The following IQGAP3 variants were observed in gnomAD, a reference collection of about 807,000 sequenced individuals.
The protein encoded by IQGAP3 is IQ motif containing GTPase activating protein 3, also known as ras GTPase-activating-like protein IQGAP3.
Under a neutral mutation model 208.2 loss-of-function variants are expected in IQGAP3, and 165 were observed. That is an observed-to-expected ratio of 0.79 (90% CI 0.70 to 0.90). The LOEUF is 0.90. IQGAP3 is among the 40% of genes least tolerant of loss of function. The pLI, the probability that IQGAP3 is intolerant of heterozygous loss-of-function variation, is 0.00. For missense variants in IQGAP3, 1,811 were observed against 2,043.1 expected (o/e 0.89, Z 2.19); for synonymous variants, 703 against 803.6 (o/e 0.87, Z 2.12).
intron 34 of IQGAP3, among the ~76,000 whole-genome samples, 187 bp from the exon 35 acceptor site, chr1:156,529,269 G>A (rs1393685699): frequency 6.6e-6 from 1 of 152,246 alleles, no homozygotes; most frequent in African/African-American, 2.4e-5. Context: ...CAGGGCCTCT[G>A]CCCGTTGAGG....
At chr1:156,535,081 G>T (rs888188295) in intron 28 of IQGAP3, 82 bp downstream of exon 28, 4 of 1,029,640 alleles carry the variant, frequency 3.9e-6, no homozygotes, top group Admixed American at 1.9e-5. Context: ...GATTTTTTGT[G>T]TTTTTGTCTC....
At chr1:156,569,271 C>T in intron 2 of IQGAP3, 105 bp downstream of exon 2, 1 of 693,808 alleles carries the variant, frequency 1.4e-6, no homozygotes, top group East Asian at 2.7e-5. Context: ...CCCTTTCCCA[C>T]AGGATGGACT....
At chr1:156,551,896 G>A (rs1258340570) in intron 14 of IQGAP3, 28 bp from the exon 15 acceptor site, 54 of 1,597,066 alleles carry the variant, frequency 3.4e-5, no homozygotes, top group Non-Finnish European at 4.5e-5. Flanking sequence ...AGGTGGGCAG[G>A]GGGCCCCTAG....
In IQGAP3 at chr1:156,554,401, G is replaced by T. The variant is rs1457247431; in HGVS notation, c.1291-9C>A. On this transcript the variant is annotated splice_polypyrimidine_tract_variant and intron_variant, in intron 12 of 37. Transcript: ENST00000361170. ...TCCTCCTGGCCAAGCTCCTACAATGGGTGGGAGGGCCAATTCCCAAGTGGG... is the reference window on the plus strand; with the variant it reads ...TCCTCCTGGCCAAGCTCCTACAATGTGTGGGAGGGCCAATTCCCAAGTGGG... 6.3e-7 allele frequency: 1 copy of T among 1,590,214 alleles called. No individual in the cohort carries two copies. The highest frequency in any genetic ancestry group is 1.1e-5 in the South Asian group (1 of 87,974).
chr1:156,535,760 G>A (rs922350157), intron 27 of IQGAP3, among the ~76,000 whole-genome samples: 1 of 152,156 alleles, frequency 6.6e-6, no homozygotes, highest in Middle Eastern at 3.2e-3. Flanking sequence ...TCAGTGAGCC[G>A]GGAGGAGAAG....
rs778342130 is a variant in IQGAP3, at chr1:156,552,070, G to A, written c.1474C>T (p.Arg492Ter). Residue 492 changes from arginine (R) to a stop codon, truncating the protein, a stop_gained, in exon 14 of 38, where the codon CGA becomes TGA. Transcript: ENST00000361170. LOFTEE classifies it high-confidence loss of function. ...QRYFDALLKL[R>*]QERGMGEDFL... The stretch of plus-strand genomic sequence containing the variant: ...TCCTCACCCATCCCACGCTCCTGTC[G>A]CAATTTCAGCAGGGCATCGAAGTAA... 1.1e-4 allele frequency: 173 copies of A among 1,614,104 alleles called. No homozygotes were observed. The highest frequency in any genetic ancestry group is 2.2e-4 in the Admixed American group (13 of 60,008).
rs780652716 is a variant in IQGAP3, at chr1:156,544,016, C to T, written c.2495G>A (p.Arg832Gln). 17 of 1,613,916 alleles carry T rather than the reference C, an allele frequency of 1.1e-5. No homozygotes were observed. Among genetic ancestry groups the T allele is most frequent in the Admixed American group, 3.3e-5 (2 of 60,000 alleles). Residue 832 changes from arginine (R) to glutamine (Q), a missense_variant, in exon 22 of 38, where the codon CGA becomes CAA. By Grantham distance (43) the Arg-to-Gln change is conservative. Coordinates refer to ENST00000361170, the MANE Select transcript of IQGAP3 (RefSeq NM_178229.5). ...NSIVKIQAFF[R>Q]ARKAQDDYRI... ...GTAGTCATCTTGGGCTTTCCTGGCT[C>T]GGAAAAATGCCTGGATCTTCACAAT...
intron 22 of IQGAP3, among the ~76,000 whole-genome samples, chr1:156,542,539 A>T (rs1428781282): frequency 6.6e-6 from 1 of 152,202 alleles, no homozygotes; most frequent in Non-Finnish European, 1.5e-5. Context: ...AAGACAATTC[A>T]TGGCATCTTG....
chr1:156,563,451 C>T, intron 7 of IQGAP3, 102 bp downstream of exon 7: 3 of 1,327,670 alleles, frequency 2.3e-6, no homozygotes, highest in South Asian at 2.8e-5. Context: ...ATGGCCCTAT[C>T]TGTGGATGAG....
In IQGAP3 at chr1:156,550,367, A is replaced by AG. The variant is rs760999293; in HGVS notation, c.1735-17dup. On this transcript the variant is annotated splice_polypyrimidine_tract_variant and intron_variant, in intron 15 of 37. Coordinates refer to ENST00000361170, the MANE Select transcript of IQGAP3 (RefSeq NM_178229.5). ...CCCCTGTCACCTGGCAGATTGAGGG[A>AG]GAAAAAAAAGATGTGACCCCAAGCT... 3.1e-6 allele frequency: 5 copies of AG among 1,603,848 alleles called. No homozygotes were observed. The highest frequency in any genetic ancestry group is 2.7e-5 in the African/African-American group (2 of 74,664).
At chr1:156,531,587 G>A (rs1364767017) in intron 32 of IQGAP3, among the ~76,000 whole-genome samples, 2 of 148,342 alleles carry the variant, frequency 1.3e-5, no homozygotes, top group East Asian at 4.0e-4. Flanking sequence ...GGACAAAGAT[G>A]ATACTCAGCT....
At position 156,538,892 on chromosome 1, in the gene IQGAP3, G is replaced by A. The variant is rs1307547559; in HGVS notation, c.3198C>T (p.Asp1066=). The A allele has an allele frequency of 6.2e-7, 1 of 1,614,048 alleles. No individual in the cohort carries two copies. The highest frequency in any genetic ancestry group is 8.5e-7 in the Non-Finnish European group (1 of 1,180,048). Residue 1066 remains aspartate (D), a synonymous_variant, in exon 26 of 38, where the codon GAC becomes GAT. Coordinates refer to ENST00000361170, the MANE Select transcript of IQGAP3 (RefSeq NM_178229.5). ...GGTCTGTGTGGACGCTGAGCACTTT[G>A]TCTTCTAGCACATCCTGGATAACCT... ...LGKVIQDVLE[D]KVLSVHTDPV... is the part of the protein sequence containing the mutation.
At chr1:156,542,178 G>A (rs1175776908) in intron 22 of IQGAP3, among the ~76,000 whole-genome samples, 1 of 152,154 alleles carries the variant, frequency 6.6e-6, no homozygotes, top group Non-Finnish European at 1.5e-5. Flanking sequence ...GGCTACAGTA[G>A]GGGAACAAAT....
intron 8 of IQGAP3, 149 bp from the exon 9 acceptor site, chr1:156,562,814 T>C: frequency 1.3e-6 from 1 of 764,540 alleles, no homozygotes; most frequent in Admixed American, 2.2e-5. Context: ...TTGTGGGGTC[T>C]AAAACACTTG....
At position 156,566,519 on chromosome 1, in the gene IQGAP3, C is replaced by T. The variant is rs770514498; in HGVS notation, c.153G>A (p.Glu51=). 2.5e-6 allele frequency: 4 copies of T among 1,614,170 alleles called. No individual in the cohort carries two copies. The South Asian group carries it at 3.3e-5, about 13-fold the overall frequency. Residue 51 remains glutamate (E), a synonymous_variant, in exon 3 of 38, where the codon GAG becomes GAA. Coordinates refer to ENST00000361170, the MANE Select transcript of IQGAP3 (RefSeq NM_178229.5). ...KRWMEACLKE[E]LPSPVELEES... ...CCTCCAGCTCCACCGGGGAAGGAAG[C>T]TCCTCCTTCAGGCAGGCCTCCATCC...
intron 30 of IQGAP3, 43 bp downstream of exon 30, chr1:156,533,966 C>T: frequency 6.2e-7 from 1 of 1,610,960 alleles, no homozygotes; most frequent in Non-Finnish European, 8.5e-7. Context: ...GCTACCAAAC[C>T]CTTGCCCACC....
chr1:156,572,077 G>T (rs1676674359), intron 1 of IQGAP3, among the ~76,000 whole-genome samples: 1 of 152,154 alleles, frequency 6.6e-6, no homozygotes, highest in Admixed American at 6.5e-5. Flanking sequence ...CCCCCTGTTT[G>T]ACAGGCATTG....
intron 1 of IQGAP3, 65 bp from the exon 2 acceptor site, chr1:156,569,528 CTTTTTTTTT>C (rs34005985): frequency 6.5e-4 from 90 of 138,270 alleles, no homozygotes; most frequent in African/African-American, 1.6e-3. Context: ...ACTGAAGGGT[CTTTTTTTTT>C]TTTTTTTTTT....
At chr1:156,534,902 T>A (rs1442045527) in intron 28 of IQGAP3, among the ~76,000 whole-genome samples, 169 bp from the exon 29 acceptor site, 1 of 152,142 alleles carries the variant, frequency 6.6e-6, no homozygotes, top group African/African-American at 2.4e-5. Context: ...ACAGCAAACC[T>A]GAGCAAGAGC....
Sources: allele counts gnomAD v4.1 joint callset (sites outside exome capture counted in the v4.1 genomes callset), GRCh38; gene constraint gnomAD v4.1.1; transcripts MANE v1.5; gene names NCBI Gene and HGNC (gene_info 2026-07-23, HGNC 2026-07-21).